Variants in ACSS3 observed in about 807,000 individuals in gnomAD.
The protein encoded by ACSS3 is acyl-CoA synthetase short-chain family member 3, mitochondrial.
A neutral mutation model predicts 84.2 loss-of-function variants in ACSS3; 64 were observed. That is an observed-to-expected ratio of 0.76 (90% confidence interval 0.62 to 0.94). The LOEUF (loss-of-function observed/expected upper bound fraction) is 0.94. ACSS3 is among the 40% of genes least tolerant of loss of function. The probability of loss-of-function intolerance (pLI) is 0.00; values close to 1 mark genes in which losing one functional copy is unlikely to be tolerated. For missense variants in ACSS3, 815 were observed against 867.6 expected, an observed-to-expected ratio of 0.94 and a Z score of 0.76; for synonymous variants, 317 against 310.1, an observed-to-expected ratio of 1.02 and a Z score of -0.23.
intron 8 of ACSS3, among the ~76,000 whole-genome samples, chr12:81,177,843 G>A (rs2030606394): frequency 6.6e-6 from 1 of 152,152 alleles, no homozygotes; most frequent in Non-Finnish European, 1.5e-5. Flanking sequence ...TGGAGAAATA[G>A]GAACACTTTT....
At chr12:81,147,967 A>C (rs1223775948) in intron 5 of ACSS3, among the ~76,000 whole-genome samples, 1 of 151,918 alleles carries the variant, frequency 6.6e-6, no homozygotes, top group African/African-American at 2.4e-5. Flanking sequence ...ATACATGCAT[A>C]TGTTTACATG....
intron 9 of ACSS3, among the ~76,000 whole-genome samples, chr12:81,215,440 A>G (rs951774713): frequency 6.6e-6 from 1 of 152,186 alleles, no homozygotes; most frequent in African/African-American, 2.4e-5. Context: ...GCCTCCATCC[A>G]TAAAATGTGA....
intron 1 of ACSS3, among the ~76,000 whole-genome samples, chr12:81,107,433 T>C (rs1361467195): frequency 7.0e-6 from 1 of 142,504 alleles, no homozygotes; most frequent in African/African-American, 2.6e-5. Flanking sequence ...AAGAGAATAA[T>C]GATATTATCA....
At chr12:81,183,795 A>C (rs1191597897) in intron 8 of ACSS3, among the ~76,000 whole-genome samples, 1 of 152,108 alleles carries the variant, frequency 6.6e-6, no homozygotes, top group Non-Finnish European at 1.5e-5. Context: ...TAAATATATA[A>C]AGCAAATATC....
chr12:81,186,954 A>G (rs1335059149), intron 8 of ACSS3, among the ~76,000 whole-genome samples: 1 of 151,826 alleles, frequency 6.6e-6, no homozygotes, highest in Admixed American at 6.6e-5. Context: ...GATAGAAACA[A>G]CCTGTGTCTG....
intron 2 of ACSS3, among the ~76,000 whole-genome samples, chr12:81,128,528 A>G (rs1418949721): frequency 6.6e-6 from 1 of 152,164 alleles, no homozygotes; most frequent in Non-Finnish European, 1.5e-5. Context: ...CAGACTGAAA[A>G]TCAATTTTAC....
intron 9 of ACSS3, among the ~76,000 whole-genome samples, chr12:81,208,382 T>C (rs1286102700): frequency 6.6e-6 from 1 of 152,162 alleles, no homozygotes; most frequent in Admixed American, 6.5e-5. Flanking sequence ...CACCACATCT[T>C]CCTCTTAACC....
At chr12:81,084,128 T>C (rs540106695) in intron 1 of ACSS3, among the ~76,000 whole-genome samples, 1 of 152,216 alleles carries the variant, frequency 6.6e-6, no homozygotes, top group East Asian at 1.9e-4. Flanking sequence ...ACTTTGCCTG[T>C]CCCAGCCATT....
intron 15 of ACSS3, among the ~76,000 whole-genome samples, chr12:81,254,208 G>T (rs1055879990): frequency 6.6e-6 from 1 of 152,088 alleles, no homozygotes; most frequent in Non-Finnish European, 1.5e-5. Flanking sequence ...GGGATTACAC[G>T]CCTGAGCCAC....
chr12:81,244,111 A>T lies in ACSS3; in HGVS notation c.1720-9196A>T, dbSNP rs114783977. Among the ~76,000 whole-genome samples, 934 of 152,168 alleles carry T rather than the reference A, an allele frequency of 6.1e-3. 13 individuals are homozygous for T. The highest frequency in any genetic ancestry group is 0.022 in the African/African-American group (895 of 41,534). On this transcript the variant is annotated intron_variant, in intron 13 of 15. Transcript: ENST00000548058. ...GAAGGATAATTTTCCACAATATAGC[A>T]ATCTGGAATTCTGTAATTCTAGAAT...
At chr12:81,131,434 T>A (rs1307750617) in intron 2 of ACSS3, among the ~76,000 whole-genome samples, 1 of 152,168 alleles carries the variant, frequency 6.6e-6, no homozygotes, top group African/African-American at 2.4e-5. Flanking sequence ...TGTTTGTCTG[T>A]TATTGATGTA....
chr12:81,113,708 T>C (rs544843769), intron 2 of ACSS3, among the ~76,000 whole-genome samples: 1 of 152,278 alleles, frequency 6.6e-6, no homozygotes, highest in South Asian at 2.1e-4. Context: ...ATTTAAATTG[T>C]ACCAGTAATG....
chr12:81,225,598 T>G (rs1344022942), intron 11 of ACSS3, among the ~76,000 whole-genome samples: 1 of 151,992 alleles, frequency 6.6e-6, no homozygotes, highest in East Asian at 1.9e-4. Flanking sequence ...GTTCACCTGA[T>G]GAACACTTGA....
chr12:81,222,867 A>G (rs904830863), intron 11 of ACSS3, among the ~76,000 whole-genome samples: 2 of 152,046 alleles, frequency 1.3e-5, no homozygotes, highest in African/African-American at 2.4e-5. Flanking sequence ...TTATCTTTCT[A>G]GTAGAAGTGA....
intron 7 of ACSS3, among the ~76,000 whole-genome samples, chr12:81,163,845 T>A (rs1887274436): frequency 6.6e-6 from 1 of 152,228 alleles, no homozygotes. Flanking sequence ...AATAATTTTG[T>A]TCAGTTGTAC....
chr12:81,172,148 C>T (rs995846915), intron 7 of ACSS3, among the ~76,000 whole-genome samples: 2 of 150,842 alleles, frequency 1.3e-5, no homozygotes, highest in East Asian at 2.0e-4. Context: ...GTTCTGTAAT[C>T]TCAGGTACTC....
chr12:81,215,254 T>C (rs546533243), intron 9 of ACSS3, among the ~76,000 whole-genome samples: 1 of 152,166 alleles, frequency 6.6e-6, no homozygotes, highest in Non-Finnish European at 1.5e-5. Flanking sequence ...TTTTTTTTTG[T>C]CATGCTTGGA....
intron 8 of ACSS3, 85 bp downstream of exon 8, chr12:81,175,024 A>T: frequency 1.4e-6 from 2 of 1,476,610 alleles, no homozygotes; most frequent in South Asian, 2.8e-5. Flanking sequence ...CTGGTACTGG[A>T]ATACTCTTAT....
intron 7 of ACSS3, among the ~76,000 whole-genome samples, chr12:81,157,474 C>T (rs1476481017): frequency 6.6e-6 from 1 of 152,202 alleles, no homozygotes; most frequent in Non-Finnish European, 1.5e-5. Context: ...CTCTCACCCT[C>T]TATTCAACAT....
Sources: allele counts gnomAD v4.1 joint callset (sites outside exome capture counted in the v4.1 genomes callset), GRCh38; gene constraint gnomAD v4.1.1; transcripts MANE v1.5; gene names NCBI Gene and HGNC (gene_info 2026-07-23, HGNC 2026-07-21).